The following MMP28 variants were observed in gnomAD, a reference collection of about 807,000 sequenced individuals.
The protein encoded by MMP28 is matrix metallopeptidase 28, also known as matrix metalloproteinase-28.
A neutral mutation model predicts 60.5 loss-of-function variants in MMP28; 55 were observed. The observed-to-expected ratio is 0.91, with a 90% CI of 0.73 to 1.14. The LOEUF (loss-of-function observed/expected upper bound fraction) is 1.14. Among genes scored for constraint, MMP28 ranks in the 50% most tolerant of loss-of-function variants. The pLI is 0.00. For missense variants in MMP28, 686 were observed against 738.3 expected, an observed-to-expected ratio of 0.93 and a Z score of 0.82; for synonymous variants, 318 against 312.5, an observed-to-expected ratio of 1.02 and a Z score of -0.18.
Position 35,786,699 on chromosome 17 carries a change from C to CAAAAAAAAAAAAAAAAAAAAAAA in MMP28, c.112-7377_112-7376insTTTTTTTTTTTTTTTTTTTTTTT, listed in dbSNP as rs200165337. Among the ~76,000 whole-genome samples the CAAAAAAAAAAAAAAAAAAAAAAA allele has an allele frequency of 1.7e-3, 118 of 71,036 alleles. 10 individuals carry two copies. The highest frequency in any genetic ancestry group is 6.1e-3 in the African/African-American group (96 of 15,740). The allele number at this position is 71,036 out of a possible 152,430, so 46.6% of individuals were successfully genotyped here. On this transcript the variant is annotated intron_variant, in intron 1 of 7. Transcript: ENST00000605424. ...GCCTCATAGTGAGATCCTGTCTCTACAAAAAAAAAAAAAAAAGATGAATGA... is the reference window on the plus strand; with the variant it reads ...GCCTCATAGTGAGATCCTGTCTCTACAAAAAAAAAAAAAAAAAAAAAAAAAAAAAAAAAAAAAAAGATGAATGA...
intron 3 of MMP28, among the ~76,000 whole-genome samples, chr17:35,777,649 A>T (rs1377878412): frequency 6.6e-6 from 1 of 152,282 alleles, no homozygotes; most frequent in African/African-American, 2.4e-5. Context: ...AAAATTAATG[A>T]TAGATGAAAA....
At chr17:35,787,694 G>A (rs2086691613) in intron 1 of MMP28, among the ~76,000 whole-genome samples, 1 of 152,052 alleles carries the variant, frequency 6.6e-6, no homozygotes, top group Non-Finnish European at 1.5e-5. Context: ...TTGCCATGCT[G>A]GCCAGGCTGG....
Position 35,779,242 on chromosome 17 carries a change from A to G in MMP28, c.191+2T>C, listed in dbSNP as rs1555608566. The G allele has an allele frequency of 6.2e-7, 1 of 1,610,642 alleles. No individual in the cohort carries two copies. Among genetic ancestry groups the G allele is most frequent in the Non-Finnish European group, 8.5e-7 (1 of 1,178,616 alleles). Reference sequence around the variant, plus strand: ...CAAGTCCTCCACATCCCTCCACCCTACCTGATGGCATCGCTGAATCGAGTG... The same window carrying G: ...CAAGTCCTCCACATCCCTCCACCCTGCCTGATGGCATCGCTGAATCGAGTG... On this transcript the variant is annotated splice_donor_variant, in intron 2 of 7. Transcript: ENST00000605424. LOFTEE classifies it high-confidence loss of function.
intron 2 of MMP28, among the ~76,000 whole-genome samples, chr17:35,759,711 GC>G (rs35716171): frequency 6.4e-5 from 6 of 94,292 alleles, no homozygotes; most frequent in African/African-American, 2.0e-4. Context: ...ACCCCCCACC[GC>G]CCCCCCAAAA....
intron 4 of MMP28, among the ~76,000 whole-genome samples, chr17:35,772,785 A>C (rs2086198478): frequency 6.6e-6 from 1 of 151,964 alleles, no homozygotes; most frequent in East Asian, 1.9e-4. Context: ...CGGCTCTGGT[A>C]GTTGGGGGTG....
At chr17:35,778,082 C>A (rs2086386288) in intron 3 of MMP28, among the ~76,000 whole-genome samples, 1 of 152,112 alleles carries the variant, frequency 6.6e-6, no homozygotes, top group African/African-American at 2.4e-5. Context: ...ACAAAAGAAT[C>A]AAATCTTCAT....
chr17:35,769,594 G>A (rs952721740), intron 5 of MMP28, among the ~76,000 whole-genome samples: 1 of 152,122 alleles, frequency 6.6e-6, no homozygotes, highest in African/African-American at 2.4e-5. Flanking sequence ...AGGCAGAGGT[G>A]GGCAGGCTTT....
At chr17:35,781,798 T>A (rs888142440) in intron 1 of MMP28, among the ~76,000 whole-genome samples, 12 of 152,166 alleles carry the variant, frequency 7.9e-5, no homozygotes, top group Admixed American at 7.2e-4. Context: ...GAAATAATTT[T>A]CTGTCTTCTT....
At chr17:35,776,888 CA>C (rs374826303) in intron 3 of MMP28, among the ~76,000 whole-genome samples, 10 of 143,564 alleles carry the variant, frequency 7.0e-5, no homozygotes, top group Admixed American at 1.4e-4. Context: ...GGCTCCATCT[CA>C]AAAAAAAAAG....
exon 3 of MMP28, chr17:35,756,387 T>C (rs2085737804): frequency 2.0e-6 from 2 of 985,178 alleles, no homozygotes; most frequent in Non-Finnish European, 2.4e-6. Context: ...ACTTACATAG[T>C]CAATGCCGAT....
downstream of MMP28, chr17:35,760,868 A>G: frequency 6.3e-7 from 1 of 1,587,984 alleles, no homozygotes; most frequent in Non-Finnish European, 8.6e-7. Flanking sequence ...CATGAGACAA[A>G]GTTCTATGGG....
intron 4 of MMP28, among the ~76,000 whole-genome samples, chr17:35,771,990 C>A (rs920821636): frequency 4.1e-4 from 62 of 151,910 alleles, no homozygotes; most frequent in African/African-American, 1.4e-3. Flanking sequence ...TAAAGTTTGC[C>A]TAGAAGCTTG....
chr17:35,758,306 A>G (rs2085762777), intron 2 of MMP28: 1 of 152,184 alleles, frequency 6.6e-6, no homozygotes, highest in Admixed American at 6.5e-5. Flanking sequence ...GTCTGAGTGC[A>G]GGAGGCATAC....
At position 35,773,391 on chromosome 17, in the gene MMP28, G is replaced by A; in HGVS notation, c.393C>T (p.Tyr131=). 3 of 1,597,464 alleles carry A rather than the reference G, an allele frequency of 1.9e-6. No homozygotes were observed. The highest frequency in any genetic ancestry group is 2.6e-6 in the Non-Finnish European group (3 of 1,171,848). Residue 131 remains tyrosine (Y), a synonymous_variant, in exon 4 of 8, where the codon TAC becomes TAT. Coordinates refer to ENST00000605424, the MANE Select transcript of MMP28 (RefSeq NM_024302.5). ...KRFAKQGNKW[Y]KQHLSYRLVN... ...CCAGGCGGTAGGAGAGGTGCTGCTT[G>A]TACCATTTGTTACCTGCCACCCAGA... is the stretch of plus-strand genomic sequence containing the variant.
chr17:35,789,314 G>C (rs1392972196), intron 1 of MMP28, among the ~76,000 whole-genome samples: 2 of 152,220 alleles, frequency 1.3e-5, no homozygotes, highest in Non-Finnish European at 2.9e-5. Context: ...GAGCTAGAGA[G>C]AATCTTAGAA....
chr17:35,765,743 C>T (rs2085921603), downstream of MMP28: 3 of 525,698 alleles, frequency 5.7e-6, no homozygotes, highest in South Asian at 8.2e-5. Context: ...CACAGCTCTG[C>T]ACACACACAC....
At chr17:35,770,022 G>C (rs756843620) in intron 5 of MMP28, 45 bp downstream of exon 5, 4 of 1,498,968 alleles carry the variant, frequency 2.7e-6, no homozygotes, top group Admixed American at 2.4e-5. Context: ...GGAGGCCTTG[G>C]GGGCAGGAGT....
intron 4 of MMP28, among the ~76,000 whole-genome samples, chr17:35,771,509 C>A (rs1308148116): frequency 1.3e-5 from 2 of 148,584 alleles, no homozygotes; most frequent in Non-Finnish European, 3.0e-5. Context: ...TAAAAGGAGG[C>A]ATGATGGGAC....
At chr17:35,763,933 T>C, downstream of MMP28, 2 of 1,057,076 alleles carry the variant, frequency 1.9e-6, no homozygotes, top group Non-Finnish European at 2.4e-6. Context: ...AATAAATAAA[T>C]AAATACATGA....
Sources: gnomAD v4.1 joint callset for allele counts (sites outside exome capture counted in the v4.1 genomes callset) on GRCh38, gnomAD v4.1.1 for gene constraint, MANE v1.5 for transcripts, NCBI Gene and HGNC (gene_info 2026-07-23, HGNC 2026-07-21) for gene names.